The following HIRA variants were observed in gnomAD, a reference collection of about 807,000 sequenced individuals.
The protein encoded by HIRA is protein HIRA.
Under a neutral mutation model 126.6 loss-of-function variants are expected in HIRA, and 13 were observed. That is an observed-to-expected ratio of 0.10 (90% CI 0.07 to 0.16). HIRA has a LOEUF of 0.16. Ranked by LOEUF, HIRA falls within the 10% of genes least tolerant of loss-of-function variation. HIRA has a pLI of 1.00. For synonymous variants in HIRA, 511 were observed against 520.0 expected (o/e 0.98, Z 0.24); for missense variants, 834 against 1,314.4 (o/e 0.63, Z 5.65).
At chr22:19,417,872 G>A (rs1212944858) in intron 1 of HIRA, among the ~76,000 whole-genome samples, 1 of 152,160 alleles carries the variant, frequency 6.6e-6, no homozygotes, top group Admixed American at 6.5e-5. Context: ...ATGAATGGAT[G>A]AACAAAATGT....
intron 24 of HIRA, among the ~76,000 whole-genome samples, chr22:19,334,988 G>A (rs936048875): frequency 8.6e-5 from 13 of 151,842 alleles, no homozygotes; most frequent in Admixed American, 2.6e-4. Context: ...GGATTTGTAT[G>A]TGTATGTGCA....
intron 15 of HIRA, among the ~76,000 whole-genome samples, chr22:19,373,007 A>T (rs535238116): frequency 6.6e-6 from 1 of 152,328 alleles, no homozygotes; most frequent in South Asian, 2.1e-4. Context: ...TGTCCAGCCA[A>T]AAGTTTTAAA....
In HIRA at chr22:19,357,059, G is replaced by A; in HGVS notation, c.2235-8C>T. 6.2e-7 allele frequency: 1 copy of A among 1,613,832 alleles called. No homozygotes were observed. The highest frequency in any genetic ancestry group is 8.5e-7 in the Non-Finnish European group (1 of 1,179,898). On this transcript the variant is annotated splice_region_variant and splice_polypyrimidine_tract_variant and intron_variant, in intron 18 of 24. Transcript: ENST00000263208. ...GCGACACACACCACGTCACTGAGAA[G>A]GCAGAGTGGGGGCAGGTGTCATGGG...
At chr22:19,378,379 T>C (rs966812764) in intron 13 of HIRA, among the ~76,000 whole-genome samples, 6 of 152,208 alleles carry the variant, frequency 3.9e-5, no homozygotes, top group Non-Finnish European at 5.9e-5. Flanking sequence ...TTAGGAGGAA[T>C]GAAATGCAGC....
intron 15 of HIRA, among the ~76,000 whole-genome samples, chr22:19,369,159 T>C (rs879481985): frequency 2.2e-4 from 34 of 152,180 alleles, no homozygotes; most frequent in Non-Finnish European, 4.1e-4. Context: ...CTACTTGCCC[T>C]GTAGTCACTT....
intron 1 of HIRA, among the ~76,000 whole-genome samples, chr22:19,417,860 C>T (rs1485926042): frequency 1.3e-5 from 2 of 152,076 alleles, no homozygotes; most frequent in South Asian, 4.1e-4. Flanking sequence ...GTCCCTTGAC[C>T]GATGAATGGA....
chr22:19,357,711 G>A (rs1222079164), intron 18 of HIRA, among the ~76,000 whole-genome samples: 1 of 152,144 alleles, frequency 6.6e-6, no homozygotes, highest in Non-Finnish European at 1.5e-5. Context: ...CGCAGGCAGG[G>A]GTAGCAGATG....
chr22:19,361,747 G>A lies in HIRA; in HGVS notation c.1960C>T (p.Pro654Ser), dbSNP rs139292308. ...CTCACCTGGACAGACAGAGACACAG[G>A]CATGAGACGAGAGTCCTTCCGAGGC... is the stretch of plus-strand genomic sequence containing the variant. ...GRPRKDSRLMPVSLSVQSPAA... is the reference protein window; with the variant it reads ...GRPRKDSRLMSVSLSVQSPAA... Residue 654 changes from proline to serine, a missense_variant, in exon 16 of 25, where the codon CCT becomes TCT. Pro to Ser is a moderately conservative substitution (Grantham distance 74). Coordinates refer to ENST00000263208, the MANE Select transcript of HIRA (RefSeq NM_003325.4). 6.4e-5 allele frequency: 103 copies of A among 1,612,412 alleles called. No individual in the cohort carries two copies. In the Middle Eastern group the frequency reaches 1.3e-3, roughly 20 times the overall value.
intron 1 of HIRA, among the ~76,000 whole-genome samples, chr22:19,426,086 A>G (rs1468091576): frequency 6.6e-6 from 1 of 152,182 alleles, no homozygotes; most frequent in Admixed American, 6.5e-5. Context: ...TCACCTGCCT[A>G]CATGGCCAAG....
chr22:19,348,926 C>T (rs1023207753), intron 24 of HIRA, among the ~76,000 whole-genome samples: 1 of 151,682 alleles, frequency 6.6e-6, no homozygotes, highest in Non-Finnish European at 1.5e-5. Flanking sequence ...GCTGGGATTA[C>T]AGGCACATGT....
chr22:19,385,835 G>C, intron 11 of HIRA, 99 bp from the exon 12 acceptor site: 1 of 1,178,002 alleles, frequency 8.5e-7, no homozygotes, highest in South Asian at 1.4e-5. Context: ...TCCTGGCTCT[G>C]AGTGGAGAAG....
At chr22:19,428,062 T>C (rs1277926808) in intron 1 of HIRA, among the ~76,000 whole-genome samples, 4 of 152,200 alleles carry the variant, frequency 2.6e-5, no homozygotes, top group Non-Finnish European at 5.9e-5. Flanking sequence ...TTATATTTGG[T>C]CCCAGGATAA....
At chr22:19,354,667 G>T (rs2088793097) in intron 21 of HIRA, among the ~76,000 whole-genome samples, 1 of 152,076 alleles carries the variant, frequency 6.6e-6, no homozygotes, top group South Asian at 2.1e-4. Context: ...GATGCCTACA[G>T]AGAGTCAATA....
chr22:19,332,414 C>T (rs1267931140), intron 24 of HIRA, among the ~76,000 whole-genome samples: 1 of 152,274 alleles, frequency 6.6e-6, no homozygotes, highest in Admixed American at 6.5e-5. Context: ...CACACTCCAA[C>T]AGGGAGGCTC....
intron 20 of HIRA, 80 bp downstream of exon 20, chr22:19,356,150 C>G (rs1941100377): frequency 4.4e-6 from 6 of 1,350,744 alleles, no homozygotes; most frequent in South Asian, 1.2e-5. Context: ...GAGCCTGGCT[C>G]TCTGAGCGGG....
chr22:19,363,432 C>A (rs578105377), intron 15 of HIRA, among the ~76,000 whole-genome samples: 3 of 152,058 alleles, frequency 2.0e-5, no homozygotes, highest in Admixed American at 1.3e-4. Flanking sequence ...AATAATGAGA[C>A]CCCATCTCTA....
chr22:19,377,105 A>G (rs779424454), intron 14 of HIRA, among the ~76,000 whole-genome samples: 1 of 152,088 alleles, frequency 6.6e-6, no homozygotes, highest in Non-Finnish European at 1.5e-5. Context: ...GGCCTGTATG[A>G]GTCCTGTGGA....
intron 13 of HIRA, among the ~76,000 whole-genome samples, chr22:19,382,505 C>T (rs567541505): frequency 6.6e-6 from 1 of 152,336 alleles, no homozygotes; most frequent in East Asian, 1.9e-4. Flanking sequence ...TCTTGCTCTA[C>T]TCGTGGGGAC....
At chr22:19,387,993 A>G (rs534602022) in intron 10 of HIRA, among the ~76,000 whole-genome samples, 177 bp from the exon 11 acceptor site, 2 of 152,010 alleles carry the variant, frequency 1.3e-5, no homozygotes, top group South Asian at 2.1e-4. Context: ...GGGGGCGACA[A>G]TTGTATCCCA....
Sources: gnomAD v4.1 joint callset for allele counts (sites outside exome capture counted in the v4.1 genomes callset) on GRCh38, gnomAD v4.1.1 for gene constraint, MANE v1.5 for transcripts, NCBI Gene and HGNC (gene_info 2026-07-23, HGNC 2026-07-21) for gene names.